Variants in ANO2 observed in about 807,000 individuals in gnomAD.
The protein encoded by ANO2 is anoctamin-2.
In ANO2, 101 loss-of-function variants were observed where a neutral mutation model predicts 124.2. That is an observed-to-expected ratio of 0.81 (90% CI 0.69 to 0.96). The LOEUF (loss-of-function observed/expected upper bound fraction) is 0.96. Ranked by LOEUF, ANO2 falls within the 40% of genes least tolerant of loss-of-function variation. The probability of loss-of-function intolerance (pLI) is 0.00; values close to 1 mark genes in which losing one functional copy is unlikely to be tolerated. For synonymous variants in ANO2, 486 were observed against 482.5 expected (o/e 1.01, Z -0.09); for missense variants, 1,293 against 1,274.5 (o/e 1.01, Z -0.22).
At chr12:5,642,332 AC>A (rs1946427312) in intron 15 of ANO2, among the ~76,000 whole-genome samples, 1 of 152,094 alleles carries the variant, frequency 6.6e-6, no homozygotes, top group Admixed American at 6.5e-5. Flanking sequence ...TCCAGCCTGG[AC>A]GTCTTCCCTG....
chr12:5,811,790 C>T (rs1212492002), intron 7 of ANO2, among the ~76,000 whole-genome samples: 2 of 152,164 alleles, frequency 1.3e-5, no homozygotes, highest in East Asian at 1.9e-4. Context: ...CCCACACTTC[C>T]ACCACAATGC....
intron 10 of ANO2, among the ~76,000 whole-genome samples, chr12:5,751,393 C>A (rs1417950696): frequency 6.6e-6 from 1 of 152,198 alleles, no homozygotes; most frequent in African/African-American, 2.4e-5. Flanking sequence ...ACACACAGAT[C>A]ATATATTTGG....
Position 5,887,407 on chromosome 12 carries a change from G to A in ANO2, c.535-33266C>T, listed in dbSNP as rs551445937. Among the ~76,000 whole-genome samples the A allele has an allele frequency of 2.0e-5, 3 of 152,320 alleles. No homozygotes were observed. In the South Asian group the frequency reaches 6.2e-4, roughly 32 times the overall value. Reference sequence around the variant, plus strand: ...TAGAGATCACTCAAGAAGGGCCCCTGAGCCCAGCCCTGGGGATAAACCACT... The same window carrying A: ...TAGAGATCACTCAAGAAGGGCCCCTAAGCCCAGCCCTGGGGATAAACCACT... On this transcript the variant is annotated intron_variant, in intron 3 of 24. Transcript: ENST00000682330.
intron 14 of ANO2, among the ~76,000 whole-genome samples, chr12:5,706,473 A>G (rs1263653496): frequency 6.6e-6 from 1 of 152,130 alleles, no homozygotes; most frequent in Non-Finnish European, 1.5e-5. Flanking sequence ...CTCTTTCCCC[A>G]GATATGCATA....
chr12:5,834,717 G>A (rs1370167851), intron 4 of ANO2, among the ~76,000 whole-genome samples: 3 of 152,268 alleles, frequency 2.0e-5, no homozygotes, highest in Admixed American at 6.5e-5. Context: ...TCAGGTAAAC[G>A]AACAAGCTTA....
intron 3 of ANO2, among the ~76,000 whole-genome samples, chr12:5,903,805 G>GA (rs1415016946): frequency 1.4e-4 from 21 of 152,306 alleles, no homozygotes; most frequent in African/African-American, 5.1e-4. Context: ...CTCTGCATTT[G>GA]AGAGTGGAAG....
chr12:5,821,740 A>T (rs1389895298), intron 7 of ANO2, among the ~76,000 whole-genome samples: 2 of 152,216 alleles, frequency 1.3e-5, no homozygotes, highest in Non-Finnish European at 2.9e-5. Flanking sequence ...TGGCACCTGA[A>T]CTGCCTATAA....
chr12:5,880,299 G>A (rs1938393513), intron 3 of ANO2, among the ~76,000 whole-genome samples: 1 of 152,144 alleles, frequency 6.6e-6, no homozygotes, highest in Admixed American at 6.5e-5. Flanking sequence ...AGAGCCTGGG[G>A]AACGCAGGAT....
intron 14 of ANO2, among the ~76,000 whole-genome samples, chr12:5,676,350 A>G (rs1482482465): frequency 1.3e-5 from 2 of 152,224 alleles, no homozygotes; most frequent in Non-Finnish European, 2.9e-5. Flanking sequence ...GATGAACAAC[A>G]AAAAGATGCC....
chr12:5,750,413 A>T (rs1035180441), intron 11 of ANO2, among the ~76,000 whole-genome samples: 10 of 152,230 alleles, frequency 6.6e-5, no homozygotes, highest in Non-Finnish European at 1.2e-4. Context: ...TTATTCTAGC[A>T]TCATCTGACC....
intron 7 of ANO2, among the ~76,000 whole-genome samples, chr12:5,819,505 C>T (rs534181225): frequency 1.3e-5 from 2 of 152,190 alleles, no homozygotes; most frequent in East Asian, 3.9e-4. Context: ...AGTTTATTTG[C>T]TTGGTTAGCT....
intron 10 of ANO2, among the ~76,000 whole-genome samples, chr12:5,770,393 A>G (rs1369398207): frequency 2.0e-5 from 3 of 152,156 alleles, no homozygotes; most frequent in Admixed American, 2.0e-4. Context: ...ATCAAAGTGG[A>G]ACTCTTGGTT....
At chr12:5,771,757 G>C (rs1263383575) in intron 10 of ANO2, among the ~76,000 whole-genome samples, 1 of 152,164 alleles carries the variant, frequency 6.6e-6, no homozygotes, top group Non-Finnish European at 1.5e-5. Context: ...CCCAGAGCAA[G>C]ATTCTGTCTC....
intron 14 of ANO2, among the ~76,000 whole-genome samples, chr12:5,682,092 T>C (rs1948516916): frequency 6.6e-6 from 1 of 152,228 alleles, no homozygotes; most frequent in African/African-American, 2.4e-5. Context: ...TAGAGATCCA[T>C]GTAGATCAGT....
intron 13 of ANO2, among the ~76,000 whole-genome samples, chr12:5,735,688 C>G (rs1033749986): frequency 6.6e-6 from 1 of 152,120 alleles, no homozygotes; most frequent in African/African-American, 2.4e-5. Context: ...GCCGAGAAGA[C>G]AGGCCTTGCA....
chr12:5,803,017 C>A lies in ANO2; in HGVS notation c.990+3035G>T, dbSNP rs188450049. On this transcript the variant is annotated intron_variant, in intron 9 of 24. Coordinates refer to ENST00000682330, the MANE Select transcript of ANO2 (RefSeq NM_001364791.2). ...TATGAAGGAACTCAAGTGTTAAAAA[C>A]CCTTTGCAACAACCCTTTGCAATGC... Among the ~76,000 whole-genome samples the A allele has an allele frequency of 5.3e-5, 8 of 152,314 alleles. No individual in the cohort carries two copies. In the East Asian group the frequency reaches 1.5e-3, roughly 29 times the overall value.
chr12:5,911,005 C>G (rs1450190410), intron 3 of ANO2, among the ~76,000 whole-genome samples: 1 of 152,160 alleles, frequency 6.6e-6, no homozygotes, highest in Non-Finnish European at 1.5e-5. Context: ...CCTGCTGGAC[C>G]CCAGCATCTG....
chr12:5,626,681 C>G (rs559885280), intron 16 of ANO2, among the ~76,000 whole-genome samples: 7 of 152,212 alleles, frequency 4.6e-5, no homozygotes, highest in Non-Finnish European at 1.0e-4. Context: ...CCCTTACTCA[C>G]AGCAGTGAAG....
chr12:5,820,549 G>A (rs527869430), intron 7 of ANO2, among the ~76,000 whole-genome samples: 29 of 152,248 alleles, frequency 1.9e-4, no homozygotes, highest in Middle Eastern at 3.4e-3. Flanking sequence ...CCCCCACATC[G>A]GCTCCCTGAC....
Sources: gnomAD v4.1 joint callset for allele counts (sites outside exome capture counted in the v4.1 genomes callset) on GRCh38, gnomAD v4.1.1 for gene constraint, MANE v1.5 for transcripts, NCBI Gene and HGNC (gene_info 2026-07-23, HGNC 2026-07-21) for gene names.